Variants in OR14I1 observed in about 807,000 individuals in gnomAD.
OR14I1 encodes the protein olfactory receptor family 14 subfamily I member 1, also known as olfactory receptor 14I1.
For missense variants in OR14I1, 279 were observed against 181.8 expected (o/e 1.53, Z -3.07); for synonymous variants, 118 against 71.1 (o/e 1.66, Z -3.32).
chr1:248,684,041 A>AT (rs5782530), upstream of OR14I1, among the ~76,000 whole-genome samples: 1 of 151,602 alleles, frequency 6.6e-6, no homozygotes, highest in African/African-American at 2.4e-5. Context: ...TCAAAAAGGA[A>AT]AAACAAAAAG....
At chr1:248,695,487 C>T in the OR14I1 span, among the ~76,000 whole-genome samples, 1 of 152,126 alleles carries the variant, frequency 6.6e-6, no homozygotes, top group Admixed American at 6.5e-5. Flanking sequence ...CCTGCGTCTG[C>T]CTCCCAAAGT....
At chr1:248,698,684 C>T in the OR14I1 span, among the ~76,000 whole-genome samples, 1 of 152,176 alleles carries the variant, frequency 6.6e-6, no homozygotes, top group African/African-American at 2.4e-5. Flanking sequence ...TTGGAAGTCC[C>T]ATCTTTGGAG....
downstream of OR14I1, among the ~76,000 whole-genome samples, chr1:248,680,580 C>G (rs751502691): frequency 1.3e-5 from 2 of 152,144 alleles, no homozygotes; most frequent in Non-Finnish European, 2.9e-5. Context: ...GGTGTTCTGA[C>G]AAAATAATGA....
At chr1:248,679,771 G>A (rs1026887886), downstream of OR14I1, among the ~76,000 whole-genome samples, 2 of 152,134 alleles carry the variant, frequency 1.3e-5, no homozygotes, top group African/African-American at 4.8e-5. Flanking sequence ...TGGGCCATTG[G>A]CTTCTCTGAC....
chr1:248,692,467 C>G, the OR14I1 span: 1 of 152,686 alleles, frequency 6.5e-6, no homozygotes, highest in East Asian at 1.9e-4. Context: ...GATTCCCACC[C>G]GCATTTCTGA....
chr1:248,696,496 C>T, the OR14I1 span, among the ~76,000 whole-genome samples: 2 of 152,178 alleles, frequency 1.3e-5, no homozygotes, highest in Admixed American at 1.3e-4. Context: ...TTCACTAGGA[C>T]ATTATTATGG....
chr1:248,698,730 G>C, the OR14I1 span: 1 of 152,328 alleles, frequency 6.6e-6, no homozygotes, highest in African/African-American at 2.4e-5. Flanking sequence ...GCTGCAGAGA[G>C]CCCTGTCAGA....
rs763492841 is a variant in OR14I1 at position 248,682,158 on chromosome 1, GA to G, written c.146del (p.Leu49ProfsTer13). 1.3e-6 allele frequency: 1 copy of G among 780,934 alleles called. No homozygotes were observed. The highest frequency in any genetic ancestry group is 2.4e-5 in the East Asian group (1 of 41,266). The allele number at this position is 780,934 out of a possible 1,614,324, so 48.4% of individuals were successfully genotyped here. On this transcript the variant is annotated frameshift_variant, in exon 1 of 1. Transcript: ENST00000342623. LOFTEE classifies it low-confidence loss of function (END_TRUNC). ...ACATGGGTGTGTGAAGATGCTGATC[GA>G]GAGTGATGACTGCAATGATGAGCAG...
chr1:248,692,914 A>G, the OR14I1 span: 2 of 152,220 alleles, frequency 1.3e-5, no homozygotes, highest in African/African-American at 4.8e-5. Flanking sequence ...GTCTTTCTCC[A>G]GAGACCACTT....
the OR14I1 span, among the ~76,000 whole-genome samples, chr1:248,702,734 A>T: frequency 2.6e-5 from 4 of 152,038 alleles, no homozygotes; most frequent in Non-Finnish European, 5.9e-5. Context: ...AGCCAGAATG[A>T]TGTGGGCCTG....
downstream of OR14I1, chr1:248,681,248 GTT>G (rs1054918612): frequency 2.0e-6 from 1 of 510,216 alleles, no homozygotes. Flanking sequence ...CATTCAACAG[GTT>G]TTTTTTTTCA....
At chr1:248,688,460 A>T in the OR14I1 span, among the ~76,000 whole-genome samples, 1 of 152,194 alleles carries the variant, frequency 6.6e-6, no homozygotes, top group Non-Finnish European at 1.5e-5. Context: ...TATTTTGGAG[A>T]TTTATTCTGC....
At chr1:248,695,273 G>T in the OR14I1 span, among the ~76,000 whole-genome samples, 1 of 130,580 alleles carries the variant, frequency 7.7e-6, no homozygotes, top group Admixed American at 9.3e-5. Flanking sequence ...TCGCTCTGTC[G>T]CCCGGGCTGG....
chr1:248,701,497 A>G, the OR14I1 span, among the ~76,000 whole-genome samples: 1 of 152,176 alleles, frequency 6.6e-6, no homozygotes, highest in Non-Finnish European at 1.5e-5. Flanking sequence ...TGTCATCAAC[A>G]TTGTTATGTA....
the OR14I1 span, among the ~76,000 whole-genome samples, chr1:248,701,592 T>C: frequency 6.6e-6 from 1 of 152,250 alleles, no homozygotes; most frequent in Non-Finnish European, 1.5e-5. Flanking sequence ...GTGATAACTT[T>C]CATTATGATG....
exon 1 of OR14I1, chr1:248,682,177 A>T (rs748608798): frequency 1.3e-6 from 1 of 781,072 alleles, no homozygotes; most frequent in Non-Finnish European, 2.4e-6. Context: ...GACTGCAATG[A>T]TGAGCAGGTT....
the OR14I1 span, among the ~76,000 whole-genome samples, chr1:248,687,358 C>T: frequency 2.0e-5 from 3 of 152,174 alleles, no homozygotes; most frequent in East Asian, 5.8e-4. Context: ...GTTACAGCAG[C>T]CTGTTTCTGT....
At chr1:248,683,435 G>A (rs1264334796), upstream of OR14I1, among the ~76,000 whole-genome samples, 7 of 152,104 alleles carry the variant, frequency 4.6e-5, no homozygotes, top group Non-Finnish European at 1.5e-5. Flanking sequence ...CTTTAAACAA[G>A]TGATTTTAAA....
At chr1:248,678,545 A>G (rs1038031444), downstream of OR14I1, among the ~76,000 whole-genome samples, 5 of 152,234 alleles carry the variant, frequency 3.3e-5, no homozygotes, top group African/African-American at 1.2e-4. Context: ...AGGAAGTCTC[A>G]AAGGAAAATG....
Sources: allele counts gnomAD v4.1 joint callset (sites outside exome capture counted in the v4.1 genomes callset), GRCh38; gene constraint gnomAD v4.1.1; transcripts MANE v1.5; gene names NCBI Gene and HGNC (gene_info 2026-07-23, HGNC 2026-07-21).